SLC4A4: variants seen among roughly 807,000 people sequenced by gnomAD.
SLC4A4 encodes the protein electrogenic sodium bicarbonate cotransporter 1.
In SLC4A4, 27 loss-of-function variants were observed where a neutral mutation model predicts 111.5. That is an observed-to-expected ratio of 0.24 (90% CI 0.18 to 0.33). The LOEUF is 0.33. SLC4A4 is among the 10% of genes least tolerant of loss of function. SLC4A4 has a pLI of 1.00. For missense variants in SLC4A4, 909 were observed against 1,315.5 expected (o/e 0.69, Z 4.78); for synonymous variants, 443 against 463.4 (o/e 0.96, Z 0.57).
At chr4:71,421,379 T>A (rs948255808) in intron 7 of SLC4A4, among the ~76,000 whole-genome samples, 3 of 152,062 alleles carry the variant, frequency 2.0e-5, no homozygotes, top group African/African-American at 4.8e-5. Flanking sequence ...TCCCACACAT[T>A]AATAATGGGA....
At chr4:71,446,606 T>C (rs1306723354) in intron 8 of SLC4A4, among the ~76,000 whole-genome samples, 1 of 152,210 alleles carries the variant, frequency 6.6e-6, no homozygotes, top group East Asian at 1.9e-4. Flanking sequence ...TTCCTCACCA[T>C]TAAATGGGAA....
chr4:71,434,846 A>T (rs2085152064), intron 7 of SLC4A4, among the ~76,000 whole-genome samples: 1 of 152,192 alleles, frequency 6.6e-6, no homozygotes, highest in African/African-American at 2.4e-5. Flanking sequence ...TAAAATACCC[A>T]GGAATACATC....
At chr4:71,484,369 T>A (rs13115362) in intron 14 of SLC4A4, among the ~76,000 whole-genome samples, 12,043 of 151,872 alleles carry the variant, frequency 0.079, 697 homozygotes, top group Non-Finnish European at 0.13. Flanking sequence ...AAGGAAGAGG[T>A]CCAGTTTCAA....
intron 2 of SLC4A4, among the ~76,000 whole-genome samples, chr4:71,111,976 C>T (rs778344858): frequency 1.1e-4 from 16 of 152,208 alleles, no homozygotes; most frequent in Non-Finnish European, 2.1e-4. Flanking sequence ...AGATTACAGA[C>T]GTGAACCACT....
At chr4:71,495,729 C>T (rs139116856) in intron 15 of SLC4A4, among the ~76,000 whole-genome samples, 21 of 152,224 alleles carry the variant, frequency 1.4e-4, no homozygotes, top group African/African-American at 5.1e-4. Context: ...AGGTAGAACT[C>T]TTGTCTTCAA....
chr4:71,501,235 T>C (rs1369375877), intron 16 of SLC4A4, among the ~76,000 whole-genome samples: 1 of 151,504 alleles, frequency 6.6e-6, no homozygotes, highest in Non-Finnish European at 1.5e-5. Context: ...GGGATTGTGA[T>C]TTTTTTTTCA....
At chr4:71,154,363 C>T (rs1476563469) in intron 2 of SLC4A4, among the ~76,000 whole-genome samples, 1 of 152,120 alleles carries the variant, frequency 6.6e-6, no homozygotes, top group Non-Finnish European at 1.5e-5. Context: ...AGTGTGGACG[C>T]TTTCATTGGA....
intron 9 of SLC4A4, among the ~76,000 whole-genome samples, chr4:71,450,046 A>C (rs1725612756): frequency 6.6e-6 from 1 of 152,222 alleles, no homozygotes; most frequent in Admixed American, 6.5e-5. Flanking sequence ...ATGACTCTTC[A>C]GTATATTTCT....
At chr4:71,273,794 A>G (rs1722878444) in intron 3 of SLC4A4, among the ~76,000 whole-genome samples, 1 of 152,022 alleles carries the variant, frequency 6.6e-6, no homozygotes, top group African/African-American at 2.4e-5. Flanking sequence ...CTGGAATCAG[A>G]TTGACCTGGT....
chr4:71,136,856 A>G (rs1194606715), intron 2 of SLC4A4, among the ~76,000 whole-genome samples: 2 of 152,172 alleles, frequency 1.3e-5, no homozygotes, highest in Non-Finnish European at 2.9e-5. Context: ...TTGGCACAGT[A>G]TTAAGCACAT....
At chr4:71,397,712 G>A in intron 7 of SLC4A4, 59 bp downstream of exon 7, 3 of 1,436,572 alleles carry the variant, frequency 2.1e-6, no homozygotes, top group Non-Finnish European at 2.9e-6. Context: ...AAAAGATGCT[G>A]AGAAAGGATT....
intron 1 of SLC4A4, among the ~76,000 whole-genome samples, chr4:71,187,676 C>T (rs1578565621): frequency 1.3e-5 from 2 of 152,192 alleles, no homozygotes; most frequent in Non-Finnish European, 2.9e-5. Context: ...TGCTAAGTCC[C>T]CTGCGCGCAA....
In SLC4A4 at chr4:71,441,986, C is replaced by T. The variant is rs542989238; in HGVS notation, c.965+1213C>T. On this transcript the variant is annotated intron_variant, in intron 8 of 25. Coordinates refer to ENST00000264485, the MANE Select transcript of SLC4A4 (RefSeq NM_001098484.3). Reference sequence around the variant, plus strand: ...TGGTTCTATCTGTGCAGTCACCTGGCGAACAGCTGACTCAGATAATGGCTG... The same window carrying T: ...TGGTTCTATCTGTGCAGTCACCTGGTGAACAGCTGACTCAGATAATGGCTG... 7.2e-5 allele frequency among the ~76,000 whole-genome samples: 11 copies of T among 152,240 alleles called. No individual in the cohort carries two copies. In the East Asian group the frequency reaches 1.2e-3, roughly 16 times the overall value.
intron 1 of SLC4A4, among the ~76,000 whole-genome samples, chr4:71,224,309 C>A (rs1718927114): frequency 1.3e-5 from 2 of 152,170 alleles, no homozygotes; most frequent in Non-Finnish European, 2.9e-5. Context: ...GCTCTTGTTC[C>A]TCAACTGCCA....
intron 12 of SLC4A4, among the ~76,000 whole-genome samples, chr4:71,459,262 T>G (rs1396599717): frequency 6.6e-6 from 1 of 152,010 alleles, no homozygotes; most frequent in Non-Finnish European, 1.5e-5. Flanking sequence ...AAATTCTAAT[T>G]CTTATTTTGT....
intron 8 of SLC4A4, among the ~76,000 whole-genome samples, chr4:71,446,192 A>AG (rs397973915): frequency 1.3e-5 from 2 of 152,016 alleles, no homozygotes; most frequent in Non-Finnish European, 2.9e-5. Flanking sequence ...ATAAAAAAAA[A>AG]GTAATTATAC....
At chr4:71,108,062 C>G (rs891005940) in intron 2 of SLC4A4, among the ~76,000 whole-genome samples, 2 of 152,162 alleles carry the variant, frequency 1.3e-5, no homozygotes, top group African/African-American at 4.8e-5. Flanking sequence ...TCCTTTGTAG[C>G]TCACTCTCCA....
intron 1 of SLC4A4, among the ~76,000 whole-genome samples, chr4:71,079,530 C>A (rs769027845): frequency 6.6e-6 from 1 of 152,100 alleles, no homozygotes; most frequent in South Asian, 2.1e-4. Context: ...AATCCCAGCA[C>A]TTTGGGAGGC....
In SLC4A4 at chr4:71,375,050, C is replaced by T. The variant is rs1732223848; in HGVS notation, c.730+17863C>T. Among the ~76,000 whole-genome samples the T allele has an allele frequency of 2.0e-5, 3 of 152,174 alleles. 1 individual carries two copies. The South Asian group carries it at 6.2e-4, about 32-fold the overall frequency. ...AATGTTACCTCCATATTGTTGCTTG[C>T]CTCAGTCTCCTTTCCAGTCTGACTT... On this transcript the variant is annotated intron_variant, in intron 6 of 25. Transcript: ENST00000264485.
Sources: allele counts gnomAD v4.1 joint callset (sites outside exome capture counted in the v4.1 genomes callset), GRCh38; gene constraint gnomAD v4.1.1; transcripts MANE v1.5; gene names NCBI Gene and HGNC (gene_info 2026-07-23, HGNC 2026-07-21).